The following ANK2 variants were observed in gnomAD, a reference collection of about 807,000 sequenced individuals.
ANK2 encodes the protein ankyrin 2, also known as ankyrin-2.
In ANK2, 83 loss-of-function variants were observed where a neutral mutation model predicts 360.5. The ratio of observed to expected loss-of-function variants is 0.23; its 90% CI spans 0.19 to 0.28. The LOEUF (loss-of-function observed/expected upper bound fraction) is 0.28. ANK2 is among the 10% of genes least tolerant of loss of function. The probability of loss-of-function intolerance (pLI) is 1.00; values close to 1 mark genes in which losing one functional copy is unlikely to be tolerated. For missense variants in ANK2, 4,201 were observed against 4,795.7 expected (o/e 0.88, Z 3.66); for synonymous variants, 1,740 against 1,759.5 (o/e 0.99, Z 0.28).
At chr4:113,306,766 A>G (rs942609994) in intron 23 of ANK2, among the ~76,000 whole-genome samples, 2 of 152,202 alleles carry the variant, frequency 1.3e-5, no homozygotes, top group Admixed American at 1.3e-4. Flanking sequence ...AGTTTGTTCA[A>G]TAGCACGCAG....
In ANK2 at chr4:113,044,334, T is replaced by G. The variant is rs890650676; in HGVS notation, c.22-130082T>G. On this transcript the variant is annotated intron_variant, in intron 2 of 30. Transcript: ENST00000503271. ...ACCTTCTAGGTTTTGTCTGCCTGTG[T>G]ATTGAGCTAGCACATGAATAGAGAT... 2.0e-5 allele frequency among the ~76,000 whole-genome samples: 3 copies of G among 152,200 alleles called. No individual in the cohort carries two copies. In the East Asian group the frequency reaches 5.8e-4, roughly 29 times the overall value.
the ANK2 span, among the ~76,000 whole-genome samples, chr4:112,728,283 A>C: frequency 8.4e-6 from 1 of 119,414 alleles, no homozygotes; most frequent in Non-Finnish European, 1.7e-5. Flanking sequence ...ACAGAGCGAG[A>C]CTCTGTCTCA....
At chr4:112,999,028 A>T (rs1266539148) in intron 2 of ANK2, among the ~76,000 whole-genome samples, 2 of 152,328 alleles carry the variant, frequency 1.3e-5, no homozygotes, top group East Asian at 3.9e-4. Flanking sequence ...CCATACTTGT[A>T]TATGGATAAT....
chr4:112,899,968 A>G (rs1391005163), intron 1 of ANK2, among the ~76,000 whole-genome samples: 1 of 152,108 alleles, frequency 6.6e-6, no homozygotes, highest in Non-Finnish European at 1.5e-5. Context: ...ATAGACCAAA[A>G]TTTTGGTGTT....
chr4:112,794,038 C>G, the ANK2 span, among the ~76,000 whole-genome samples: 1 of 152,120 alleles, frequency 6.6e-6, no homozygotes, highest in African/African-American at 2.4e-5. Context: ...CCTCAGCACC[C>G]CATAATCACA....
chr4:112,725,354 A>G, the ANK2 span, among the ~76,000 whole-genome samples: 2 of 127,860 alleles, frequency 1.6e-5, no homozygotes, highest in Non-Finnish European at 3.3e-5. Context: ...TTAAAGACAC[A>G]GTCTTTTTTT....
At chr4:112,760,412 C>T in the ANK2 span, among the ~76,000 whole-genome samples, 4 of 152,166 alleles carry the variant, frequency 2.6e-5, no homozygotes, top group South Asian at 2.1e-4. Context: ...TGGTCTCGAT[C>T]TCCTGACCTT....
At chr4:113,309,410 G>A (rs2078780533) in intron 23 of ANK2, among the ~76,000 whole-genome samples, 1 of 152,324 alleles carries the variant, frequency 6.6e-6, no homozygotes, top group East Asian at 1.9e-4. Context: ...TAGGCAGATA[G>A]CATCATAACA....
In ANK2 at chr4:112,950,612, C is replaced by A. The variant is rs2094887290; in HGVS notation, c.21+46098C>A. Among the ~76,000 whole-genome samples, 3 of 148,540 alleles carry A rather than the reference C, an allele frequency of 2.0e-5. No individual in the cohort carries two copies. The Admixed American group carries it at 2.0e-4, about 10-fold the overall frequency. On this transcript the variant is annotated intron_variant, in intron 2 of 30. Coordinates refer to the ANK2 transcript ENST00000503271. ...TGAGCCGAGATCATGCCACTGCACT[C>A]CAGCCTGGGTGACAGAGCGAGACTC...
At chr4:112,928,975 C>T (rs2092891183) in intron 2 of ANK2, among the ~76,000 whole-genome samples, 1 of 151,910 alleles carries the variant, frequency 6.6e-6, no homozygotes, top group Non-Finnish European at 1.5e-5. Context: ...GTCTCAGCCT[C>T]CTGAGTAGCT....
At position 113,353,234 on chromosome 4, in the gene ANK2, A is replaced by C; in HGVS notation, c.4616A>C (p.Lys1539Thr). Residue 1539 changes from lysine (K) to threonine (T), a missense_variant, in exon 38 of 46, where the codon AAG becomes ACG. By Grantham distance (78) the Lys-to-Thr change is moderately conservative. This residue lies in a region of ANK2 where 1,268 missense variants were observed against 1,650.8 expected (regional missense o/e 0.77). Transcript: ENST00000357077. ...TCTATTAAAGTGAAGGAGCTGGTGA[A>C]GGCTGCTGAGGAAGAGCCAGGAGAG... ...AGSIKVKELV[K>T]AAEEEPGEPF... 2 of 1,614,072 alleles carry C rather than the reference A, an allele frequency of 1.2e-6. No individual in the cohort carries two copies. The highest frequency in any genetic ancestry group is 1.7e-6 in the Non-Finnish European group (2 of 1,179,958).
rs565847875 is a variant in ANK2, at chr4:113,238,026, T to A, written c.693+404T>A. Among the ~76,000 whole-genome samples, 153 of 152,326 alleles carry A rather than the reference T, an allele frequency of 1.0e-3. 1 individual carries two copies. Among genetic ancestry groups the A allele is most frequent in the African/African-American group, 3.5e-3 (144 of 41,582 alleles). On this transcript the variant is annotated intron_variant, in intron 7 of 45. Coordinates refer to ENST00000357077, the MANE Select transcript of ANK2 (RefSeq NM_001148.6). The stretch of plus-strand genomic sequence containing the variant: ...ACTGAGTTTTGTCTTTTTATCTAAT[T>A]GCTGTTGCCCTTTTTTTTTCTGTAT...
At chr4:112,792,033 CTTT>C in the ANK2 span, among the ~76,000 whole-genome samples, 1,878 of 66,066 alleles carry the variant, frequency 0.028, 17 homozygotes, top group Admixed American at 0.042. Context: ...CACATCCTTT[CTTT>C]TTTTTTTTTT....
intron 18 of ANK2, 110 bp downstream of exon 18, chr4:113,282,982 G>T (rs2062980596): frequency 8.1e-7 from 1 of 1,236,234 alleles, no homozygotes; most frequent in African/African-American, 1.5e-5. Context: ...AAGAAACAGG[G>T]ATATCTTACA....
At chr4:113,287,226 T>G (rs1297229680) in intron 18 of ANK2, among the ~76,000 whole-genome samples, 1 of 152,234 alleles carries the variant, frequency 6.6e-6, no homozygotes, top group Admixed American at 6.5e-5. Context: ...GCTTATAAAA[T>G]AGGTGTAATA....
chr4:113,102,122 G>T (rs72910257), intron 1 of ANK2, among the ~76,000 whole-genome samples: 2 of 152,078 alleles, frequency 1.3e-5, no homozygotes, highest in Non-Finnish European at 2.9e-5. Context: ...AATGGTGGAG[G>T]GATGGAGTAG....
intron 2 of ANK2, among the ~76,000 whole-genome samples, chr4:113,004,665 A>G (rs1284077485): frequency 6.6e-6 from 1 of 152,230 alleles, no homozygotes; most frequent in African/African-American, 2.4e-5. Context: ...AGTATGGTAT[A>G]GTAAATACAT....
At chr4:113,149,918 G>C (rs1352921937) in intron 1 of ANK2, among the ~76,000 whole-genome samples, 1 of 123,872 alleles carries the variant, frequency 8.1e-6, no homozygotes, top group Non-Finnish European at 1.7e-5. Flanking sequence ...TGAAAGAAGA[G>C]AAGACATGAC....
intron 10 of ANK2, among the ~76,000 whole-genome samples, 176 bp downstream of exon 10, chr4:113,250,038 A>G (rs1044491461): frequency 6.6e-6 from 1 of 152,260 alleles, no homozygotes; most frequent in Non-Finnish European, 1.5e-5. Context: ...AAACAGATAT[A>G]TGAATTAAGA....
Sources: gnomAD v4.1 joint callset for allele counts (sites outside exome capture counted in the v4.1 genomes callset) on GRCh38, gnomAD v4.1.1 for gene constraint, gnomAD v4.1.1 regional missense constraint, MANE v1.5 for transcripts, NCBI Gene and HGNC (gene_info 2026-07-23, HGNC 2026-07-21) for gene names.